The following RIMS1 variants were observed in gnomAD, a reference collection of about 807,000 sequenced individuals.
The protein encoded by RIMS1 is regulating synaptic membrane exocytosis protein 1.
In RIMS1, 83 loss-of-function variants were observed where a neutral mutation model predicts 214.1. The observed-to-expected ratio is 0.39, with a 90% CI of 0.32 to 0.47. RIMS1 has a LOEUF of 0.47. Among genes scored for constraint, RIMS1 ranks in the 20% least tolerant of loss-of-function variants. The pLI, the probability that RIMS1 is intolerant of heterozygous loss-of-function variation, is 0.99. For synonymous variants in RIMS1, 793 were observed against 786.8 expected, an observed-to-expected ratio of 1.01 and a Z score of -0.13; for missense variants, 2,050 against 2,161.8, an observed-to-expected ratio of 0.95 and a Z score of 1.03.
chr6:72,126,667 T>C (rs1453721106), intron 4 of RIMS1: 2 of 249,088 alleles, frequency 8.0e-6, no homozygotes, highest in East Asian at 2.4e-4. Context: ...CAAACAAATA[T>C]ATGAAAAAAT....
Position 72,319,354 on chromosome 6 carries a change from C to T in RIMS1, c.4130+5682C>T, listed in dbSNP as rs576048288. Among the ~76,000 whole-genome samples the T allele has an allele frequency of 3.3e-5, 5 of 152,196 alleles. No homozygotes were observed. In the East Asian group the frequency reaches 9.7e-4, roughly 29 times the overall value. On this transcript the variant is annotated intron_variant, in intron 28 of 33. Coordinates refer to ENST00000521978, the MANE Select transcript of RIMS1 (RefSeq NM_014989.7). ...GTAATGGAAGGAGGAGAATGAAGAA[C>T]TAATGTGGGAGGTAAAGGTTGATAC...
At chr6:72,071,440 G>A (rs1024210095) in intron 2 of RIMS1, among the ~76,000 whole-genome samples, 1 of 152,002 alleles carries the variant, frequency 6.6e-6, no homozygotes, top group Admixed American at 6.6e-5. Context: ...TGGAGAAACA[G>A]TAAGTTAGAT....
intron 2 of RIMS1, among the ~76,000 whole-genome samples, chr6:71,998,996 T>C (rs536027728): frequency 6.6e-6 from 1 of 152,270 alleles, no homozygotes; most frequent in Admixed American, 6.5e-5. Flanking sequence ...ATTAGTTCTG[T>C]AGTTTTCTAT....
Position 71,922,361 on chromosome 6 carries a change from C to G in RIMS1, c.164+35174C>G, listed in dbSNP as rs77761520. Among the ~76,000 whole-genome samples the G allele has an allele frequency of 3.5e-3, 534 of 152,242 alleles. 4 individuals are homozygous for G. The highest frequency in any genetic ancestry group is 0.012 in the African/African-American group (511 of 41,540). ...CTGGTAACTCTATTATACTTTCTGTCTCTATGAATTTGCCTATTTTAGGTA... is the reference window on the plus strand; with the variant it reads ...CTGGTAACTCTATTATACTTTCTGTGTCTATGAATTTGCCTATTTTAGGTA... On this transcript the variant is annotated intron_variant, in intron 1 of 33. Coordinates refer to ENST00000521978, the MANE Select transcript of RIMS1 (RefSeq NM_014989.7).
intron 29 of RIMS1, 107 bp from the exon 30 acceptor site, chr6:72,390,491 A>G: frequency 2.4e-6 from 3 of 1,253,928 alleles, no homozygotes; most frequent in Non-Finnish European, 3.3e-6. Context: ...TTCTGATTAA[A>G]TTTGTAATTA....
chr6:72,278,046 A>T (rs752758753), intron 23 of RIMS1, among the ~76,000 whole-genome samples: 10 of 152,132 alleles, frequency 6.6e-5, no homozygotes, highest in Non-Finnish European at 1.5e-4. Flanking sequence ...ATTCAAGAAA[A>T]TGCAATATTT....
At chr6:72,038,631 C>T (rs1021433294) in intron 2 of RIMS1, among the ~76,000 whole-genome samples, 16 of 152,194 alleles carry the variant, frequency 1.1e-4, no homozygotes, top group Non-Finnish European at 2.2e-4. Context: ...GGGAAAGAAT[C>T]AAGGTCAGTT....
At position 72,355,531 on chromosome 6, in the gene RIMS1, A is replaced by G. The variant is rs112533530; in HGVS notation, c.4366+21696A>G. 5.4e-3 allele frequency among the ~76,000 whole-genome samples: 828 copies of G among 152,212 alleles called. 2 individuals carry two copies. The highest frequency in any genetic ancestry group is 8.1e-3 in the Non-Finnish European group (554 of 67,996). On this transcript the variant is annotated intron_variant, in intron 29 of 33. Coordinates refer to ENST00000521978, the MANE Select transcript of RIMS1 (RefSeq NM_014989.7). ...TTATATCCAAAAGGCGAATTGTGTTATTATTCCTCTTTTGTATGCATAAAG... is the reference window on the plus strand; with the variant it reads ...TTATATCCAAAAGGCGAATTGTGTTGTTATTCCTCTTTTGTATGCATAAAG...
chr6:72,131,446 G>A (rs565263550), intron 4 of RIMS1, among the ~76,000 whole-genome samples: 16 of 152,212 alleles, frequency 1.1e-4, no homozygotes, highest in Middle Eastern at 3.4e-3. Context: ...CTGGGCGTCC[G>A]GGGGAGACAT....
intron 27 of RIMS1, among the ~76,000 whole-genome samples, chr6:72,309,981 C>A (rs1421767788): frequency 6.6e-6 from 1 of 151,942 alleles, no homozygotes; most frequent in African/African-American, 2.4e-5. Flanking sequence ...TATTCTACAT[C>A]AAGTATTTTA....
intron 28 of RIMS1, among the ~76,000 whole-genome samples, chr6:72,329,719 A>C (rs1473583813): frequency 6.6e-6 from 1 of 151,662 alleles, no homozygotes; most frequent in Non-Finnish European, 1.5e-5. Flanking sequence ...CCAGAAAACC[A>C]ATTTGGTTGG....
intron 10 of RIMS1, among the ~76,000 whole-genome samples, chr6:72,244,280 A>G (rs2068366497): frequency 1.3e-5 from 2 of 151,822 alleles, no homozygotes; most frequent in Admixed American, 6.6e-5. Flanking sequence ...TAACTGGTAA[A>G]TAGAACTAAT....
At chr6:71,928,802 G>A (rs1196502393) in intron 1 of RIMS1, among the ~76,000 whole-genome samples, 1 of 152,078 alleles carries the variant, frequency 6.6e-6, no homozygotes, top group Non-Finnish European at 1.5e-5. Flanking sequence ...CCTGGGCTTA[G>A]TAGAGTCATC....
intron 4 of RIMS1, among the ~76,000 whole-genome samples, chr6:72,133,206 C>T (rs1209902862): frequency 1.3e-5 from 2 of 150,006 alleles, no homozygotes; most frequent in African/African-American, 4.9e-5. Flanking sequence ...ATTCATAGCT[C>T]TCTCTCTTTT....
chr6:72,222,123 AT>A (rs1423755701), intron 6 of RIMS1, among the ~76,000 whole-genome samples: 2 of 152,042 alleles, frequency 1.3e-5, no homozygotes, highest in East Asian at 3.8e-4. Flanking sequence ...ATTCAATTTA[AT>A]TTTTTATAAA....
At chr6:72,352,963 G>C (rs1183786644) in intron 29 of RIMS1, among the ~76,000 whole-genome samples, 1 of 146,876 alleles carries the variant, frequency 6.8e-6, no homozygotes, top group Admixed American at 6.8e-5. Context: ...TAAGTCATTT[G>C]AGAGTTTACA....
intron 2 of RIMS1, among the ~76,000 whole-genome samples, chr6:72,027,977 A>C (rs1333265658): frequency 3.9e-5 from 6 of 152,160 alleles, no homozygotes; most frequent in Admixed American, 2.6e-4. Context: ...TTTGCTCAGT[A>C]AGAACAGTGT....
At chr6:71,993,681 T>G (rs1802551107) in intron 2 of RIMS1, among the ~76,000 whole-genome samples, 1 of 152,180 alleles carries the variant, frequency 6.6e-6, no homozygotes, top group Non-Finnish European at 1.5e-5. Flanking sequence ...CAGCTCTGTG[T>G]GAGTTTCAAG....
At chr6:72,012,041 T>C (rs2151865668) in intron 2 of RIMS1, among the ~76,000 whole-genome samples, 1 of 152,316 alleles carries the variant, frequency 6.6e-6, no homozygotes, top group South Asian at 2.1e-4. Context: ...ATATGTTTAT[T>C]GCGGCACTAT....
Sources: allele counts gnomAD v4.1 joint callset (sites outside exome capture counted in the v4.1 genomes callset), GRCh38; gene constraint gnomAD v4.1.1; transcripts MANE v1.5; gene names NCBI Gene and HGNC (gene_info 2026-07-23, HGNC 2026-07-21).